The following DDX55 variants were observed in gnomAD, a reference collection of about 807,000 sequenced individuals.
The protein encoded by DDX55 is DEAD-box helicase 55.
Under a neutral mutation model 69.2 loss-of-function variants are expected in DDX55, and 56 were observed. The observed-to-expected ratio is 0.81, with a 90% CI of 0.65 to 1.01. The LOEUF (loss-of-function observed/expected upper bound fraction) is 1.01. Ranked by LOEUF, DDX55 falls within the 50% of genes least tolerant of loss-of-function variation. The pLI is 0.00. For synonymous variants in DDX55, 268 were observed against 273.1 expected (o/e 0.98, Z 0.18); for missense variants, 720 against 745.1 (o/e 0.97, Z 0.39).
chr12:123,616,667 G>A (rs1393213770), intron 10 of DDX55, 64 bp downstream of exon 10: 8 of 1,502,878 alleles, frequency 5.3e-6, no homozygotes, highest in East Asian at 4.5e-5. Flanking sequence ...GAGGAATCCC[G>A]AAGAAGATAA....
rs1955064096 is a variant in DDX55 at position 123,620,606 on chromosome 12, A to ATG, written c.*467_*468insGT. Reference sequence around the variant, plus strand: ...TATATATATATATATATATATATATATATATATATATATATATATATAAGC... The same window carrying ATG: ...TATATATATATATATATATATATATATGTATATATATATATATATATATAAGC... On this transcript the variant is annotated 3_prime_UTR_variant, in exon 14 of 14. Coordinates refer to ENST00000238146, the MANE Select transcript of DDX55 (RefSeq NM_020936.3). 1.3e-5 allele frequency: 1 copy of ATG among 75,892 alleles called. No homozygotes were observed. The highest frequency in any genetic ancestry group is 3.3e-5 in the Non-Finnish European group (1 of 30,616). 4.7% of individuals were successfully genotyped at this position (75,892 alleles called of 1,614,324 possible).
intron 11 of DDX55, chr12:123,618,162 A>G (rs1255639481): frequency 2.5e-6 from 1 of 399,106 alleles, no homozygotes; most frequent in Non-Finnish European, 4.7e-6. Context: ...GATTACAGGC[A>G]TGCGCCACCC....
Position 123,617,821 on chromosome 12 carries a change from C to T in DDX55, c.1113C>T (p.Phe371=). The T allele has an allele frequency of 6.2e-7, 1 of 1,614,156 alleles. No homozygotes were observed. Among genetic ancestry groups the T allele is most frequent in the African/African-American group, 1.3e-5 (1 of 75,042 alleles). Residue 371 remains phenylalanine (F), a synonymous_variant, in exon 11 of 14, where the codon TTC becomes TTT. Coordinates refer to ENST00000238146, the MANE Select transcript of DDX55 (RefSeq NM_020936.3). ...RIGHGGSALV[F]LLPMEESYIN... The stretch of plus-strand genomic sequence containing the variant: ...GCCACGGGGGCAGCGCTCTGGTGTT[C>T]CTCCTGCCCATGGAAGAGTCATACA...
rs997598035 is a variant in DDX55 at position 123,616,417 on chromosome 12, A to C, written c.957-94A>C. 6.4e-6 allele frequency: 7 copies of C among 1,087,292 alleles called. No homozygotes were observed. The East Asian group carries it at 1.7e-4, about 26-fold the overall frequency. The allele number at this position is 1,087,292 out of a possible 1,614,324, so 67.4% of individuals were successfully genotyped here. ...ATTTGCTTCTGTGAGAAGCTCCAGC[A>C]CCTGTGTGTCACTGTCATCGAGATC... On this transcript the variant is annotated intron_variant, in intron 9 of 13. Coordinates refer to ENST00000238146, the MANE Select transcript of DDX55 (RefSeq NM_020936.3).
chr12:123,608,155 GT>G (rs1384119410), intron 5 of DDX55: 1 of 186,552 alleles, frequency 5.4e-6, no homozygotes, highest in African/African-American at 2.4e-5. Context: ...GAGTCTGCCA[GT>G]TTGTGATCTT....
At chr12:123,619,048 C>G (rs777390093) in intron 12 of DDX55, among the ~76,000 whole-genome samples, 2 of 152,238 alleles carry the variant, frequency 1.3e-5, no homozygotes, top group Non-Finnish European at 2.9e-5. Flanking sequence ...TGTCACCCAG[C>G]CTGGAGCGCA....
chr12:123,603,329 G>A (rs527550655), intron 1 of DDX55, among the ~76,000 whole-genome samples: 1 of 151,762 alleles, frequency 6.6e-6, no homozygotes, highest in Non-Finnish European at 1.5e-5. Flanking sequence ...TAGCTTTAAG[G>A]TTGCTAAGGG....
Position 123,608,840 on chromosome 12 carries a change from T to G in DDX55, c.551+11T>G. ...GGGGTTTGAGGCAAGGTACTGGACT[T>G]TGGACTTCACTGGCTTGAGTGGGCA... On this transcript the variant is annotated intron_variant, in intron 6 of 13. Coordinates refer to ENST00000238146, the MANE Select transcript of DDX55 (RefSeq NM_020936.3). 1 of 1,610,910 alleles carries G rather than the reference T, an allele frequency of 6.2e-7. No individual in the cohort carries two copies.
chr12:123,619,632 A>G lies in DDX55; in HGVS notation c.1534A>G (p.Arg512Gly), dbSNP rs1269943145. 1 of 1,612,678 alleles carries G rather than the reference A, an allele frequency of 6.2e-7. No individual in the cohort carries two copies. The highest frequency in any genetic ancestry group is 1.7e-5 in the Admixed American group (1 of 59,778). Residue 512 changes from arginine to glycine, a missense_variant, in exon 13 of 14, where the codon AGA becomes GGA. By Grantham distance (125) the Arg-to-Gly change is moderately radical. Coordinates refer to ENST00000238146, the MANE Select transcript of DDX55 (RefSeq NM_020936.3). Reference protein sequence around the residue: ...QRREKTENEGRRKFIKNKAWS... With the variant: ...QRREKTENEGGRKFIKNKAWS... Reference sequence around the variant, plus strand: ...AAGAGAGAAAACAGAAAATGAAGGGAGAAGAAAATTCATAAAAAATAAAGC... The same window carrying G: ...AAGAGAGAAAACAGAAAATGAAGGGGGAAGAAAATTCATAAAAAATAAAGC...
In DDX55 at chr12:123,609,975, G is replaced by A; in HGVS notation, c.588G>A (p.Arg196=). 1 of 1,614,104 alleles carries A rather than the reference G, an allele frequency of 6.2e-7. No individual in the cohort carries two copies. The highest frequency in any genetic ancestry group is 8.5e-7 in the Non-Finnish European group (1 of 1,180,026). Residue 196 remains arginine, a synonymous_variant, in exon 7 of 14, where the codon AGG becomes AGA. Coordinates refer to ENST00000238146, the MANE Select transcript of DDX55 (RefSeq NM_020936.3). ...TTCTGGAGTTTTTGCCAAAGCAGAG[G>A]AGAACAGGCCTTTTCTCTGCCACTC... ...NTILEFLPKQ[R]RTGLFSATQT...
rs756942253 is a variant in DDX55, at chr12:123,602,127, C to T, written c.-22C>T. 3 of 1,536,766 alleles carry T rather than the reference C, an allele frequency of 2.0e-6. No homozygotes were observed. The highest frequency in any genetic ancestry group is 4.9e-5 in the East Asian group (2 of 40,526). On this transcript the variant is annotated 5_prime_UTR_variant, in exon 1 of 14. Coordinates refer to ENST00000238146, the MANE Select transcript of DDX55 (RefSeq NM_020936.3). The stretch of plus-strand genomic sequence containing the variant: ...CAAGGCGCGTTCGAGCAGCGGCGAC[C>T]GACGCGGCGAAGGAGCGCGCCATGG...
chr12:123,616,532 T>A lies in DDX55; in HGVS notation c.978T>A (p.Asp326Glu). 6.2e-7 allele frequency: 1 copy of A among 1,614,184 alleles called. No individual in the cohort carries two copies. Among genetic ancestry groups the A allele is most frequent in the Non-Finnish European group, 8.5e-7 (1 of 1,180,024 alleles). ...KLQSGILVCT[D>E]VMARGIDIPE... ...CTAGTGGGATTTTAGTGTGCACTGA[T>A]GTGATGGCCCGGGGAATTGATATTC... Residue 326 changes from aspartate to glutamate, a missense_variant, in exon 10 of 14, where the codon GAT (aspartate) becomes GAA (glutamate). Asp to Glu is a conservative substitution (Grantham distance 45). Transcript: ENST00000238146.
chr12:123,605,997 A>G lies in DDX55; in HGVS notation c.159+16A>G. 2 of 1,614,142 alleles carry G rather than the reference A, an allele frequency of 1.2e-6. No homozygotes were observed. Among genetic ancestry groups the G allele is most frequent in the Non-Finnish European group, 1.7e-6 (2 of 1,180,028 alleles). On this transcript the variant is annotated intron_variant, in intron 2 of 13. Transcript: ENST00000238146. ...TGCAGAAGCGGTGAGTGCCTCGGGT[A>G]TGTGCAGCCTGTCCTCGTGTTCTCC...
At chr12:123,605,620 T>C in intron 1 of DDX55, 1 of 452,968 alleles carries the variant, frequency 2.2e-6, no homozygotes, top group Non-Finnish European at 4.1e-6. Flanking sequence ...GATTCTGTGA[T>C]ACTAGAGCTG....
rs112850294 is a variant in DDX55 at position 123,602,116 on chromosome 12, G to A, written c.-33G>A. 6 of 1,528,896 alleles carry A rather than the reference G, an allele frequency of 3.9e-6. No individual in the cohort carries two copies. The African/African-American group carries it at 6.9e-5, about 18-fold the overall frequency. 94.7% of individuals were successfully genotyped at this position (1,528,896 alleles called of 1,614,324 possible). Reference sequence around the variant, plus strand: ...TTGGGGGTGCACAAGGCGCGTTCGAGCAGCGGCGACCGACGCGGCGAAGGA... The same window carrying A: ...TTGGGGGTGCACAAGGCGCGTTCGAACAGCGGCGACCGACGCGGCGAAGGA... On this transcript the variant is annotated 5_prime_UTR_variant, in exon 1 of 14. Transcript: ENST00000238146.
In DDX55 at chr12:123,608,810, G is replaced by C. The variant is rs773263398; in HGVS notation, c.532G>C (p.Asp178His). 1.9e-6 allele frequency: 3 copies of C among 1,614,068 alleles called. No homozygotes were observed. Among genetic ancestry groups the C allele is most frequent in the Non-Finnish European group, 2.5e-6 (3 of 1,179,980 alleles). ...GTTGGATGAGGCAGACAGACTTCTG[G>C]ACATGGGGTTTGAGGCAAGGTACTG... ...LVLDEADRLL[D>H]MGFEASINTI... The change falls in exon 6 of 14, where the codon GAC becomes CAC. Residue 178 changes from aspartate to histidine, a missense_variant. Asp to His is a moderately conservative substitution (Grantham distance 81). Transcript: ENST00000238146.
At position 123,620,627 on chromosome 12, in the gene DDX55, T is replaced by TATATATAA. The variant is rs1250251932; in HGVS notation, c.*488_*489insTATATAAA. The TATATATAA allele has an allele frequency of 1.7e-3, 174 of 99,794 alleles. 4 individuals are homozygous for TATATATAA. Among genetic ancestry groups the TATATATAA allele is most frequent in the Non-Finnish European group, 2.6e-3 (121 of 46,644 alleles). The allele number at this position is 99,794 out of a possible 1,614,324, so 6.2% of individuals were successfully genotyped here. On this transcript the variant is annotated 3_prime_UTR_variant, in exon 14 of 14. Transcript: ENST00000238146. ...ATATATATATATATATATATATATA[T>TATATATAA]AAGCTCTTTTTTCTGAGGCTATTTT...
At chr12:123,611,403 G>A (rs559536375) in intron 7 of DDX55, among the ~76,000 whole-genome samples, 3 of 152,354 alleles carry the variant, frequency 2.0e-5, no homozygotes, top group Admixed American at 1.3e-4. Flanking sequence ...CCATCAGGGC[G>A]AGGAGGCACC....
At chr12:123,619,318 C>T (rs1370042641) in intron 12 of DDX55, 114 bp from the exon 13 acceptor site, 6 of 1,451,312 alleles carry the variant, frequency 4.1e-6, no homozygotes, top group Non-Finnish European at 5.4e-6. Flanking sequence ...TATTTTCATT[C>T]TAACTAAAAT....
Sources: gnomAD v4.1 joint callset for allele counts (sites outside exome capture counted in the v4.1 genomes callset) on GRCh38, gnomAD v4.1.1 for gene constraint, MANE v1.5 for transcripts, NCBI Gene and HGNC (gene_info 2026-07-23, HGNC 2026-07-21) for gene names.